MICU1: variants seen among roughly 807,000 people sequenced by gnomAD.
MICU1 encodes mitochondrial calcium uptake 1.
Under a neutral mutation model 56.8 loss-of-function variants are expected in MICU1, and 45 were observed. The ratio of observed to expected loss-of-function variants is 0.79; its 90% CI spans 0.62 to 1.02. The LOEUF is 1.02. Among genes scored for constraint, MICU1 ranks in the 50% least tolerant of loss-of-function variants. The probability of loss-of-function intolerance (pLI) is 0.00; values close to 1 mark genes in which losing one functional copy is unlikely to be tolerated. For synonymous variants in MICU1, 186 were observed against 195.1 expected, an observed-to-expected ratio of 0.95 and a Z score of 0.39; for missense variants, 504 against 587.1, an observed-to-expected ratio of 0.86 and a Z score of 1.46.
intron 6 of MICU1, among the ~76,000 whole-genome samples, chr10:72,484,228 A>G (rs1409295712): frequency 6.6e-6 from 1 of 152,232 alleles, no homozygotes; most frequent in East Asian, 1.9e-4. Flanking sequence ...AGAAGTTTAC[A>G]TGGCTAACTT....
intron 1 of MICU1, chr10:72,582,988 A>G (rs1353974364): frequency 6.6e-6 from 1 of 152,250 alleles, no homozygotes; most frequent in Non-Finnish European, 1.5e-5. Flanking sequence ...CCAGGTTAGA[A>G]ACAGAGCAGG....
rs781494868 is a variant in MICU1 at position 72,508,231 on chromosome 10, G to C, written c.576C>G (p.Gly192=). 1 of 1,529,492 alleles carries C rather than the reference G, an allele frequency of 6.5e-7. No homozygotes were observed. Among genetic ancestry groups the C allele is most frequent in the Non-Finnish European group, 8.9e-7 (1 of 1,123,816 alleles). 94.7% of individuals were successfully genotyped at this position (1,529,492 alleles called of 1,614,324 possible). A position where few individuals can be genotyped will look rare whatever the true frequency, so the allele number is the denominator to read the frequency against. ...ATTCTCCAAGGGTGTAAAATATACT[G>C]CCTTCATCAGCAAATTTTTCTCGTT... is the stretch of plus-strand genomic sequence containing the variant. ...SQEREKFADE[G]SIFYTLGECG... is the part of the protein sequence containing the mutation. Residue 192 remains glycine, a synonymous_variant, in exon 6 of 12, where the codon GGC becomes GGG. Coordinates refer to ENST00000361114, the MANE Select transcript of MICU1 (RefSeq NM_001195518.2).
chr10:72,500,278 A>ATATATT (rs1554881661), intron 6 of MICU1, among the ~76,000 whole-genome samples: 64 of 70,216 alleles, frequency 9.1e-4, no homozygotes, highest in African/African-American at 4.3e-3. Context: ...ATATATATAT[A>ATATATT]TATATATATA....
At chr10:72,459,025 A>T (rs944423507) in intron 8 of MICU1, among the ~76,000 whole-genome samples, 1 of 151,932 alleles carries the variant, frequency 6.6e-6, no homozygotes, top group Admixed American at 6.6e-5. Flanking sequence ...CACTGCACCT[A>T]GCCTTCATTA....
intron 10 of MICU1, among the ~76,000 whole-genome samples, chr10:72,378,800 T>C (rs1442541989): frequency 6.6e-6 from 1 of 152,136 alleles, no homozygotes; most frequent in Admixed American, 6.6e-5. Flanking sequence ...TCTCTTTAGA[T>C]TTAATTTTCT....
At chr10:72,459,488 T>C (rs1234337511) in intron 8 of MICU1, among the ~76,000 whole-genome samples, 4 of 152,190 alleles carry the variant, frequency 2.6e-5, no homozygotes, top group Non-Finnish European at 5.9e-5. Context: ...GTTTCCTGTT[T>C]TTTTACCCTT....
chr10:72,599,647 A>G (rs1199960994), intron 1 of MICU1, among the ~76,000 whole-genome samples: 1 of 152,202 alleles, frequency 6.6e-6, no homozygotes, highest in Admixed American at 6.5e-5. Flanking sequence ...CAGTAAAGCC[A>G]GCATCACCCA....
chr10:72,392,986 T>G (rs949585774), intron 10 of MICU1, among the ~76,000 whole-genome samples: 5 of 152,224 alleles, frequency 3.3e-5, no homozygotes, highest in African/African-American at 1.2e-4. Context: ...ATTACTACTA[T>G]CATCACCTCT....
At chr10:72,584,727 C>T (rs956379619) in intron 1 of MICU1, among the ~76,000 whole-genome samples, 5 of 151,920 alleles carry the variant, frequency 3.3e-5, no homozygotes, top group South Asian at 2.1e-4. Context: ...TTTTTTGAAG[C>T]GCTGGGGTTT....
At chr10:72,443,936 A>C (rs1348531759) in intron 8 of MICU1, among the ~76,000 whole-genome samples, 5 of 151,316 alleles carry the variant, frequency 3.3e-5, no homozygotes, top group East Asian at 1.9e-4. Context: ...TGTTTATTGC[A>C]GCACTATTCA....
chr10:72,380,751 C>T (rs1862675488), intron 10 of MICU1, among the ~76,000 whole-genome samples: 1 of 152,218 alleles, frequency 6.6e-6, no homozygotes, highest in Non-Finnish European at 1.5e-5. Context: ...CCTATACACA[C>T]TGGGTCCACA....
At chr10:72,435,869 G>A (rs536314484) in intron 8 of MICU1, among the ~76,000 whole-genome samples, 1 of 152,128 alleles carries the variant, frequency 6.6e-6, no homozygotes, top group South Asian at 2.1e-4. Flanking sequence ...GCTTGAGTAG[G>A]TAAACAAAGC....
chr10:72,576,322 C>T (rs552430479), intron 1 of MICU1, among the ~76,000 whole-genome samples: 2 of 148,758 alleles, frequency 1.3e-5, no homozygotes, highest in African/African-American at 4.9e-5. Context: ...GTTAGCCAAG[C>T]TGCAAATGCA....
Position 72,562,886 on chromosome 10 carries a change from G to A in MICU1, c.330+9C>T. 1 of 1,576,658 alleles carries A rather than the reference G, an allele frequency of 6.3e-7. No individual in the cohort carries two copies. Among genetic ancestry groups the A allele is most frequent in the Non-Finnish European group, 8.6e-7 (1 of 1,165,596 alleles). On this transcript the variant is annotated intron_variant, in intron 3 of 11. Coordinates refer to ENST00000361114, the MANE Select transcript of MICU1 (RefSeq NM_001195518.2). ...ACTTCTGATCAACTTATAAGACTAT[G>A]TTTCATACTTTTCTGTCTCTGAATC...
intron 4 of MICU1, among the ~76,000 whole-genome samples, chr10:72,538,389 A>C (rs1470366263): frequency 1.3e-5 from 2 of 152,140 alleles, no homozygotes; most frequent in Admixed American, 1.3e-4. Flanking sequence ...TAAGTAGTCA[A>C]TAACATGCAG....
chr10:72,477,844 C>T (rs10740405), intron 6 of MICU1, among the ~76,000 whole-genome samples: 151,742 of 152,184 alleles, frequency 1, 75,657 homozygotes, highest in Non-Finnish European at 1. Context: ...CAGAAAAGTA[C>T]ACTGTAAGGT....
intron 11 of MICU1, among the ~76,000 whole-genome samples, chr10:72,372,175 C>G (rs58710314): frequency 0.048 from 7,348 of 151,972 alleles, 438 homozygotes; most frequent in African/African-American, 0.14. Flanking sequence ...TTGAGACGAG[C>G]CTGGGCAACA....
At chr10:72,455,350 CAAAAAAAAAAAAA>C (rs56378605) in intron 8 of MICU1, among the ~76,000 whole-genome samples, 22 of 44,212 alleles carry the variant, frequency 5.0e-4, no homozygotes, top group South Asian at 1.7e-3. Context: ...GACTCTGTCT[CAAAAAAAAAAAAA>C]AAAAAAAAAA....
At chr10:72,599,013 G>A (rs1473614709) in intron 1 of MICU1, among the ~76,000 whole-genome samples, 8 of 151,992 alleles carry the variant, frequency 5.3e-5, no homozygotes, top group Admixed American at 1.3e-4. Flanking sequence ...TGAGTTTCCC[G>A]TTCCATCGTC....
Sources: allele counts gnomAD v4.1 joint callset (sites outside exome capture counted in the v4.1 genomes callset), GRCh38; gene constraint gnomAD v4.1.1; transcripts MANE v1.5; gene names NCBI Gene and HGNC (gene_info 2026-07-23, HGNC 2026-07-21).